CYBB: variants seen among roughly 807,000 people sequenced by gnomAD.
The protein encoded by CYBB is cytochrome b-245 beta chain, also known as NADPH oxidase 2.
In CYBB, 5 loss-of-function variants were observed where a neutral mutation model predicts 46.5. That is an observed-to-expected ratio of 0.11 (90% CI 0.06 to 0.23). The LOEUF (loss-of-function observed/expected upper bound fraction) is 0.23. Among genes scored for constraint, CYBB ranks in the 10% least tolerant of loss-of-function variants. The pLI is 1.00. For synonymous variants in CYBB, 183 were observed against 156.7 expected (o/e 1.17, Z -1.26); for missense variants, 307 against 428.3 (o/e 0.72, Z 2.50).
chrX:37,806,539 G>T lies in CYBB; in HGVS notation c.1461+6G>T, dbSNP rs1418899905. 11 of 1,205,842 alleles carry T rather than the reference G, an allele frequency of 9.1e-6. No individual in the cohort carries two copies. The highest frequency in any genetic ancestry group is 1.1e-5 in the Non-Finnish European group (10 of 892,527). On this transcript the variant is annotated splice_donor_region_variant and intron_variant, in intron 11 of 12. Transcript: ENST00000378588. ...CTGGCTGGGATGAGTCTCAGGTAAG[G>T]ACAAGACTCCAAGGCTCAGGTCCTT... is the stretch of plus-strand genomic sequence containing the variant.
At chrX:37,783,664 T>C in intron 3 of CYBB, 64 bp downstream of exon 3, 1 of 730,507 alleles carries the variant, frequency 1.4e-6, no homozygotes, top group Non-Finnish European at 2.2e-6. Flanking sequence ...AATGCCCTTT[T>C]TTAGGTAAAA....
chrX:37,802,595 CA>C (rs1237299517), intron 8 of CYBB, among the ~76,000 whole-genome samples: 4 of 111,824 alleles, frequency 3.6e-5, no homozygotes, highest in African/African-American at 1.3e-4. Context: ...CAATTTTCAA[CA>C]TAATTTTAAT....
At chrX:37,781,073 T>C (rs1928941893) in intron 1 of CYBB, among the ~76,000 whole-genome samples, 1 of 112,357 alleles carries the variant, frequency 8.9e-6, no homozygotes, top group South Asian at 3.6e-4. Flanking sequence ...ACAACAAATA[T>C]TTTGTTATAA....
chrX:37,784,684 A>G (rs782366722), intron 3 of CYBB, among the ~76,000 whole-genome samples: 3 of 111,456 alleles, frequency 2.7e-5, no homozygotes, highest in Non-Finnish European at 3.8e-5. Context: ...AATGACTAGT[A>G]GCTTCTAGGT....
intron 8 of CYBB, among the ~76,000 whole-genome samples, chrX:37,802,597 T>A (rs1929468625): frequency 8.9e-6 from 1 of 112,000 alleles, no homozygotes. Context: ...ATTTTCAACA[T>A]AATTTTAATT....
At chrX:37,784,815 G>A (rs924180600) in intron 3 of CYBB, among the ~76,000 whole-genome samples, 6 of 111,968 alleles carry the variant, frequency 5.4e-5, no homozygotes, top group Non-Finnish European at 1.1e-4. Flanking sequence ...ATTGTACAGG[G>A]CAGATGCCTG....
At chrX:37,804,871 T>C (rs931299455) in intron 9 of CYBB, 135 bp from the exon 10 acceptor site, 2 of 668,934 alleles carry the variant, frequency 3.0e-6, no homozygotes, top group Admixed American at 5.4e-5. Context: ...AGCTATTTCA[T>C]AGAAGGAAGC....
chrX:37,811,155 T>A lies in CYBB; in HGVS notation c.*238T>A. ...TTTCATTTTTTTCCTCTCAGTAATG[T>A]CAGTGGAAGTTAGGGAAAAGATTCT... On this transcript the variant is annotated 3_prime_UTR_variant, in exon 13 of 13. Transcript: ENST00000378588. The A allele has an allele frequency of 3.3e-6, 1 of 300,677 alleles. No individual in the cohort carries two copies. The highest frequency in any genetic ancestry group is 5.0e-5 in the Admixed American group (1 of 20,014). 24.8% of individuals were successfully genotyped at this position (300,677 alleles called of 1,213,427 possible).
chrX:37,786,632 G>A (rs17146226), intron 3 of CYBB, among the ~76,000 whole-genome samples: 1,562 of 111,297 alleles, frequency 0.014, 36 homozygotes, highest in African/African-American at 0.048. Flanking sequence ...TAGGGGTAAA[G>A]GCTCTCAGAC....
chrX:37,786,399 A>ATT (rs1184913869), intron 3 of CYBB, among the ~76,000 whole-genome samples: 1 of 112,068 alleles, frequency 8.9e-6, no homozygotes, highest in Non-Finnish European at 1.9e-5. Flanking sequence ...CTAGAAAGCC[A>ATT]TTATATATAT....
At position 37,805,626 on chromosome X, in the gene CYBB, G is replaced by A. The variant is rs1434666998; in HGVS notation, c.1314+458G>A. ...TGATGACTTTAAATGATCTCTTCAT[G>A]TTCTATTGAGAGGATATTGAATAAT... On this transcript the variant is annotated intron_variant, in intron 10 of 12. Transcript: ENST00000378588. Among the ~76,000 whole-genome samples, 17 of 111,210 alleles carry A rather than the reference G, an allele frequency of 1.5e-4. No homozygotes were observed. In the Admixed American group the frequency reaches 1.6e-3, roughly 11 times the overall value.
At chrX:37,808,902 C>G (rs1253366182) in intron 11 of CYBB, among the ~76,000 whole-genome samples, 1 of 112,250 alleles carries the variant, frequency 8.9e-6, no homozygotes, top group African/African-American at 3.2e-5. Context: ...CTATGACCAT[C>G]ATCCATCTAG....
intron 5 of CYBB, 127 bp downstream of exon 5, chrX:37,793,937 C>T (rs1929249327): frequency 3.4e-6 from 2 of 586,628 alleles, no homozygotes; most frequent in Non-Finnish European, 5.5e-6. Context: ...AGGGACAAGT[C>T]TGTAGGTTAC....
chrX:37,788,458 A>C (rs1002137446), intron 3 of CYBB, among the ~76,000 whole-genome samples: 2 of 112,134 alleles, frequency 1.8e-5, no homozygotes, highest in Non-Finnish European at 3.8e-5. Context: ...TTTTAAGTAC[A>C]TGACATACTG....
At chrX:37,787,126 G>A (rs781932925) in intron 3 of CYBB, among the ~76,000 whole-genome samples, 1 of 111,730 alleles carries the variant, frequency 9.0e-6, no homozygotes, top group Non-Finnish European at 1.9e-5. Flanking sequence ...GTTAACAGGA[G>A]AGACAGAGAA....
intron 1 of CYBB, 31 bp from the exon 2 acceptor site, chrX:37,782,057 A>G (rs1556464536): frequency 2.6e-6 from 3 of 1,134,191 alleles, no homozygotes; most frequent in Non-Finnish European, 3.6e-6. Flanking sequence ...GGAAATGCGG[A>G]AACTTCATGC....
intron 3 of CYBB, among the ~76,000 whole-genome samples, chrX:37,783,849 C>T (rs1208256971): frequency 9.0e-6 from 1 of 110,638 alleles, no homozygotes; most frequent in Non-Finnish European, 1.9e-5. Context: ...AATGAAGTAG[C>T]ACACACGTAC....
intron 3 of CYBB, among the ~76,000 whole-genome samples, chrX:37,787,063 T>C (rs782222530): frequency 2.7e-5 from 3 of 111,930 alleles, no homozygotes; most frequent in Non-Finnish European, 5.6e-5. Flanking sequence ...TGGGGACATG[T>C]GGTAAGTAAA....
intron 3 of CYBB, 27 bp from the exon 4 acceptor site, chrX:37,791,947 AT>A: frequency 2.7e-6 from 3 of 1,094,707 alleles, no homozygotes; most frequent in Non-Finnish European, 3.8e-6. Context: ...AACAATTACT[AT>A]TCCATTCTTT....
Sources: gnomAD v4.1 joint callset for allele counts (sites outside exome capture counted in the v4.1 genomes callset) on GRCh38, gnomAD v4.1.1 for gene constraint, MANE v1.5 for transcripts, NCBI Gene and HGNC (gene_info 2026-07-23, HGNC 2026-07-21) for gene names.